The following NRP2 variants were observed in gnomAD, a reference collection of about 807,000 sequenced individuals.
NRP2 encodes neuropilin 2, also known as neuropilin-2.
NRP2 carries 52 observed loss-of-function variants against 110.4 expected under a neutral mutation model. The ratio of observed to expected loss-of-function variants is 0.47; its 90% CI spans 0.38 to 0.59. NRP2 has a LOEUF of 0.59. Ranked by LOEUF, NRP2 falls within the 20% of genes least tolerant of loss-of-function variation. NRP2 has a pLI of 0.00. For missense variants in NRP2, 1,049 were observed against 1,203.0 expected (o/e 0.87, Z 1.89); for synonymous variants, 508 against 468.9 (o/e 1.08, Z -1.08).
rs142061563 is a variant in NRP2 at position 205,744,086 on chromosome 2, C to T, written c.1641+534C>T. ...GTTACAACATCTGTGCAAAGTAGAT[C>T]TTTTTGTCACTCCCATTTTAGAGAT... On this transcript the variant is annotated intron_variant, in intron 9 of 16. Coordinates refer to ENST00000357785, the MANE Select transcript of NRP2 (RefSeq NM_003872.3). 8.2e-3 allele frequency among the ~76,000 whole-genome samples: 1,244 copies of T among 152,206 alleles called. 8 individuals carry two copies. The highest frequency in any genetic ancestry group is 0.012 in the Non-Finnish European group (824 of 68,022).
intron 15 of NRP2, chr2:205,779,732 C>T (rs2058152656): frequency 6.6e-6 from 1 of 151,760 alleles, no homozygotes; most frequent in African/African-American, 2.4e-5. Context: ...GGTTTTTTTT[C>T]CCTTTGCCTG....
chr2:205,720,262 CTTTTTTT>C (rs202203741), intron 3 of NRP2, among the ~76,000 whole-genome samples: 49,816 of 129,318 alleles, frequency 0.39, 8,617 homozygotes, highest in Middle Eastern at 0.47. Flanking sequence ...TTTTTTCTTT[CTTTTTTT>C]TTTTTTTTTT....
chr2:205,700,623 T>G (rs1037772546), intron 2 of NRP2: 5 of 483,674 alleles, frequency 1.0e-5, no homozygotes, highest in Non-Finnish European at 2.1e-5. Context: ...GAACTCTACA[T>G]CCCAAAGGTT....
chr2:205,757,523 A>T (rs1247952032), intron 12 of NRP2, among the ~76,000 whole-genome samples: 2 of 152,198 alleles, frequency 1.3e-5, no homozygotes, highest in African/African-American at 4.8e-5. Context: ...GAGTGAATTT[A>T]CTCATAATGG....
chr2:205,711,655 T>C (rs1192069402), intron 2 of NRP2, among the ~76,000 whole-genome samples: 3 of 152,186 alleles, frequency 2.0e-5, no homozygotes, highest in Non-Finnish European at 4.4e-5. Context: ...GCAAAGGTTA[T>C]GATGTCAGGA....
Position 205,795,202 on chromosome 2 carries a change from G to T in NRP2, c.*144G>T. 1.1e-6 allele frequency: 1 copy of T among 891,048 alleles called. No individual in the cohort carries two copies. The highest frequency in any genetic ancestry group is 2.6e-5 in the East Asian group (1 of 37,822). 55.2% of individuals were successfully genotyped at this position (891,048 alleles called of 1,614,324 possible). ...CCGAAGGTATGGACAGGACAGAAAA[G>T]CGAGTCGCAGGAGGAAGGGAGATGC... On this transcript the variant is annotated 3_prime_UTR_variant, in exon 17 of 17. Coordinates refer to ENST00000357785, the MANE Select transcript of NRP2 (RefSeq NM_003872.3).
chr2:205,718,078 G>A (rs1038921874), intron 3 of NRP2, among the ~76,000 whole-genome samples: 8 of 152,264 alleles, frequency 5.3e-5, no homozygotes, highest in Non-Finnish European at 4.4e-5. Context: ...TAGTGCTAAT[G>A]CTGCCACTCG....
At chr2:205,697,946 AGAG>A in intron 2 of NRP2, 1 of 596,754 alleles carries the variant, frequency 1.7e-6, no homozygotes, top group South Asian at 1.9e-5. Context: ...AGTGAAAAGT[AGAG>A]AATATTAACC....
At chr2:205,720,262 CT>C (rs202203741) in intron 3 of NRP2, among the ~76,000 whole-genome samples, 4,806 of 128,698 alleles carry the variant, frequency 0.037, 80 homozygotes, top group African/African-American at 0.1. Context: ...TTTTTTCTTT[CT>C]TTTTTTTTTT....
At chr2:205,785,644 T>A (rs1575681172) in intron 15 of NRP2, among the ~76,000 whole-genome samples, 1 of 152,236 alleles carries the variant, frequency 6.6e-6, no homozygotes. Flanking sequence ...GAAGCCTATC[T>A]TTATAGCCAA....
rs1458737121 is a variant in NRP2 at position 205,763,237 on chromosome 2, G to GCC, written c.2045-432_2045-431dup. Among the ~76,000 whole-genome samples the GCC allele has an allele frequency of 2.6e-5, 4 of 152,054 alleles. 1 individual carries two copies. Among genetic ancestry groups the GCC allele is most frequent in the African/African-American group, 9.7e-5 (4 of 41,394 alleles). On this transcript the variant is annotated intron_variant, in intron 12 of 16. Coordinates refer to ENST00000357785, the MANE Select transcript of NRP2 (RefSeq NM_003872.3). This position sits in a 1 kb window ranked among gnomAD's most constrained non-coding sequence, Gnocchi z 4.0. ...GTCATAGTCACCCTCCAATCTAGCAGCCCCCCACCCCCTATAATCTGTCCC... is the reference window on the plus strand; with the variant it reads ...GTCATAGTCACCCTCCAATCTAGCAGCCCCCCCCACCCCCTATAATCTGTCCC...
chr2:205,707,555 C>T (rs921026996), intron 2 of NRP2, among the ~76,000 whole-genome samples: 7 of 152,186 alleles, frequency 4.6e-5, no homozygotes, highest in African/African-American at 1.4e-4. Flanking sequence ...CTGCATGGCA[C>T]GTTTTTCAGA....
Position 205,745,917 on chromosome 2 carries a change from A to G in NRP2, c.1786+27A>G, listed in dbSNP as rs745687412. On this transcript the variant is annotated intron_variant, in intron 10 of 16. Transcript: ENST00000357785. ...TAAGATGACATTTCCTCCTCTTTGC[A>G]TCTCACCCACATGGTCCTCTGACCC... 4.3e-6 allele frequency: 7 copies of G among 1,613,484 alleles called. No homozygotes were observed. In the East Asian group the frequency reaches 8.9e-5, roughly 21 times the overall value.
intron 15 of NRP2, among the ~76,000 whole-genome samples, chr2:205,789,743 G>A (rs2058277068): frequency 6.6e-6 from 1 of 152,144 alleles, no homozygotes; most frequent in Non-Finnish European, 1.5e-5. Flanking sequence ...TAGAACTACA[G>A]GGACCTAATG....
chr2:205,762,437 G>A (rs2057838867), intron 12 of NRP2: 1 of 152,160 alleles, frequency 6.6e-6, no homozygotes, highest in South Asian at 2.1e-4. Context: ...AGTGGTCCAG[G>A]GAGTATTGCA....
intron 2 of NRP2, among the ~76,000 whole-genome samples, chr2:205,701,718 A>G (rs1203016870): frequency 1.3e-5 from 2 of 152,200 alleles, no homozygotes; most frequent in Non-Finnish European, 2.9e-5. Flanking sequence ...ACCACGTATC[A>G]TTGAAGAATG....
chr2:205,765,633 A>C, intron 14 of NRP2, 63 bp downstream of exon 14: 1 of 1,399,352 alleles, frequency 7.1e-7, no homozygotes, highest in Non-Finnish European at 1.0e-6. Context: ...GGGATAAGCA[A>C]GAGGAGGCAG....
chr2:205,776,363 T>C (rs775235319), intron 15 of NRP2: 2 of 1,613,282 alleles, frequency 1.2e-6, no homozygotes, highest in South Asian at 2.2e-5. Flanking sequence ...CTGGTCTCCG[T>C]CGCGCTGGCC....
chr2:205,756,814 T>C (rs985483378), intron 12 of NRP2: 16 of 152,224 alleles, frequency 1.1e-4, no homozygotes, highest in Non-Finnish European at 2.2e-4. Context: ...TCTTTATAGC[T>C]GTCTCATTCT....
Sources: allele counts gnomAD v4.1 joint callset (sites outside exome capture counted in the v4.1 genomes callset), GRCh38; gene constraint gnomAD v4.1.1; non-coding constraint Gnocchi (gnomAD v3.1); transcripts MANE v1.5; gene names NCBI Gene and HGNC (gene_info 2026-07-23, HGNC 2026-07-21).